The following PRKACB variants were observed in gnomAD, a reference collection of about 807,000 sequenced individuals.
PRKACB encodes the protein cAMP-dependent protein kinase catalytic subunit beta.
PRKACB carries 16 observed loss-of-function variants against 51.4 expected under a neutral mutation model. The observed-to-expected ratio is 0.31, with a 90% confidence interval of 0.21 to 0.47. The LOEUF (loss-of-function observed/expected upper bound fraction) is 0.47. Among genes scored for constraint, PRKACB ranks in the 20% least tolerant of loss-of-function variants. The probability of loss-of-function intolerance (pLI) is 1.00; values close to 1 mark genes in which losing one functional copy is unlikely to be tolerated. For missense variants in PRKACB, 309 were observed against 464.5 expected (o/e 0.67, Z 3.08); for synonymous variants, 147 against 154.4 (o/e 0.95, Z 0.35).
chr1:84,135,778 A>G (rs1341599945), intron 1 of PRKACB, among the ~76,000 whole-genome samples: 2 of 152,106 alleles, frequency 1.3e-5, no homozygotes, highest in African/African-American at 4.8e-5. Flanking sequence ...CTTAGGGGAA[A>G]TTTATAGCCT....
intron 1 of PRKACB, among the ~76,000 whole-genome samples, chr1:84,106,953 C>G (rs1294641027): frequency 6.6e-6 from 1 of 151,508 alleles, no homozygotes; most frequent in Non-Finnish European, 1.5e-5. Context: ...TGAAGCCACA[C>G]ACCCAGGAGG....
intron 1 of PRKACB, among the ~76,000 whole-genome samples, chr1:84,148,656 T>A (rs1654442659): frequency 6.6e-6 from 1 of 152,192 alleles, no homozygotes; most frequent in Middle Eastern, 3.2e-3. Flanking sequence ...CCAAAAGCAG[T>A]CAAATGCTGA....
chr1:84,222,072 A>G (rs1184778675), intron 9 of PRKACB, among the ~76,000 whole-genome samples: 1 of 152,082 alleles, frequency 6.6e-6, no homozygotes, highest in Non-Finnish European at 1.5e-5. Context: ...CTCTCTTTAG[A>G]TCTAATAATA....
chr1:84,129,529 A>G (rs1557984706), intron 1 of PRKACB, among the ~76,000 whole-genome samples: 3 of 152,194 alleles, frequency 2.0e-5, no homozygotes, highest in Non-Finnish European at 4.4e-5. Context: ...ACTCAGAAAA[A>G]TGTATGTCAA....
chr1:84,196,450 G>A (rs1180763132), intron 5 of PRKACB, among the ~76,000 whole-genome samples, 166 bp from the exon 6 acceptor site: 1 of 152,094 alleles, frequency 6.6e-6, no homozygotes, highest in Non-Finnish European at 1.5e-5. Flanking sequence ...AAAATATAGA[G>A]ATTTAATAAA....
intron 3 of PRKACB, among the ~76,000 whole-genome samples, chr1:84,183,324 T>G (rs1664119733): frequency 6.6e-6 from 1 of 151,996 alleles, no homozygotes; most frequent in African/African-American, 2.4e-5. Context: ...TCCCCTTCTA[T>G]TAAATAGAAA....
intron 1 of PRKACB, among the ~76,000 whole-genome samples, chr1:84,172,350 A>AGTATATT (rs1298595955): frequency 1.3e-5 from 2 of 151,722 alleles, no homozygotes; most frequent in Non-Finnish European, 3.0e-5. Flanking sequence ...AGGAAGTAAA[A>AGTATATT]TATACTTCAA....
At chr1:84,202,654 C>T in intron 7 of PRKACB, 29 bp from the exon 8 acceptor site, 3 of 1,564,840 alleles carry the variant, frequency 1.9e-6, no homozygotes, top group Non-Finnish European at 2.6e-6. Flanking sequence ...ACTTAAGTAA[C>T]AATTGACATT....
chr1:84,215,476 G>C (rs751584617), intron 9 of PRKACB, among the ~76,000 whole-genome samples: 1 of 152,030 alleles, frequency 6.6e-6, no homozygotes, highest in East Asian at 1.9e-4. Context: ...TGTTTTGTTT[G>C]GTCTTTTGTT....
intron 9 of PRKACB, among the ~76,000 whole-genome samples, chr1:84,227,261 G>A (rs934883684): frequency 6.6e-6 from 1 of 151,806 alleles, no homozygotes; most frequent in African/African-American, 2.4e-5. Flanking sequence ...TAATTCTTGG[G>A]TATTGGTCTC....
intron 5 of PRKACB, among the ~76,000 whole-genome samples, chr1:84,187,717 A>G (rs1191071985): frequency 6.6e-6 from 1 of 152,192 alleles, no homozygotes; most frequent in Admixed American, 6.6e-5. Context: ...ACAGACTTAC[A>G]GTCTAATAAC....
intron 1 of PRKACB, among the ~76,000 whole-genome samples, chr1:84,079,909 A>T (rs1040318908): frequency 1.3e-5 from 2 of 151,588 alleles, no homozygotes; most frequent in Admixed American, 6.6e-5. Flanking sequence ...CAGGTAATCC[A>T]CCCACCTCGG....
At chr1:84,171,501 A>T (rs557517446) in intron 1 of PRKACB, among the ~76,000 whole-genome samples, 1 of 151,838 alleles carries the variant, frequency 6.6e-6, no homozygotes, top group East Asian at 1.9e-4. Context: ...CAAAAACTTC[A>T]ATCTTGTATG....
chr1:84,134,731 TATGTCA>T (rs2100566169), intron 1 of PRKACB, among the ~76,000 whole-genome samples: 1 of 152,294 alleles, frequency 6.6e-6, no homozygotes, highest in East Asian at 1.9e-4. Context: ...GGAATATAAC[TATGTCA>T]GTAGTCACTT....
Position 84,236,226 on chromosome 1 carries a change from A to G in PRKACB, c.*921A>G, listed in dbSNP as rs920240570. The stretch of plus-strand genomic sequence containing the variant: ...TAAATTTTCTCTAATAGTCCTCATC[A>G]TAAACTTTTTAAAGGAAAATAAGCA... On this transcript the variant is annotated 3_prime_UTR_variant, in exon 10 of 10. Transcript: ENST00000370685. 2.6e-5 allele frequency: 4 copies of G among 152,682 alleles called. No homozygotes were observed. The highest frequency in any genetic ancestry group is 9.6e-5 in the African/African-American group (4 of 41,470). The allele number at this position is 152,682 out of a possible 1,614,324, so 9.5% of individuals were successfully genotyped here. A position where few individuals can be genotyped will look rare whatever the true frequency, so the allele number is the denominator to read the frequency against.
intron 1 of PRKACB, among the ~76,000 whole-genome samples, chr1:84,105,879 G>A (rs965942447): frequency 1.3e-5 from 2 of 151,984 alleles, no homozygotes; most frequent in African/African-American, 4.8e-5. Context: ...CACCCAGCTT[G>A]TTAGCATTTT....
chr1:84,203,152 T>G (rs921284603), intron 8 of PRKACB, among the ~76,000 whole-genome samples: 3 of 152,056 alleles, frequency 2.0e-5, no homozygotes, highest in African/African-American at 7.2e-5. Flanking sequence ...AGGGGCTGTT[T>G]TATATGCCCT....
chr1:84,157,267 G>A, intron 1 of PRKACB: 1 of 152,110 alleles, frequency 6.6e-6, no homozygotes, highest in East Asian at 1.9e-4. Flanking sequence ...ATTCCCCTGA[G>A]GTAATGGATG....
intron 1 of PRKACB, among the ~76,000 whole-genome samples, chr1:84,103,324 C>G (rs1649492747): frequency 6.8e-6 from 1 of 147,614 alleles, no homozygotes; most frequent in Non-Finnish European, 1.5e-5. Context: ...GCTCTGTCCT[C>G]TTTTAAGCGA....
Sources: allele counts gnomAD v4.1 joint callset (sites outside exome capture counted in the v4.1 genomes callset), GRCh38; gene constraint gnomAD v4.1.1; transcripts MANE v1.5; gene names NCBI Gene and HGNC (gene_info 2026-07-23, HGNC 2026-07-21).